The following CALN1 variants were observed in gnomAD, a reference collection of about 807,000 sequenced individuals.
The protein encoded by CALN1 is calneuron 1.
In CALN1, 17 loss-of-function variants were observed where a neutral mutation model predicts 30.6. The observed-to-expected ratio is 0.56, with a 90% CI of 0.38 to 0.83. The LOEUF (loss-of-function observed/expected upper bound fraction) is 0.83. Ranked by LOEUF, CALN1 falls within the 40% of genes least tolerant of loss-of-function variation. The pLI, the probability that CALN1 is intolerant of heterozygous loss-of-function variation, is 0.00. For missense variants in CALN1, 291 were observed against 354.9 expected, an observed-to-expected ratio of 0.82 and a Z score of 1.45; for synonymous variants, 156 against 131.4, an observed-to-expected ratio of 1.19 and a Z score of -1.28.
At chr7:72,262,164 C>T (rs1322751195) in intron 3 of CALN1, among the ~76,000 whole-genome samples, 3 of 152,154 alleles carry the variant, frequency 2.0e-5, no homozygotes, top group Admixed American at 6.5e-5. Flanking sequence ...CCATCACCAC[C>T]GCAGCTCCTA....
chr7:72,224,180 T>C (rs1447195142), intron 3 of CALN1, among the ~76,000 whole-genome samples: 2 of 152,122 alleles, frequency 1.3e-5, no homozygotes, highest in Non-Finnish European at 2.9e-5. Context: ...GAATCTAAAA[T>C]AAAAGTTGAA....
chr7:72,252,804 A>G (rs1795653795), intron 3 of CALN1, among the ~76,000 whole-genome samples: 1 of 152,060 alleles, frequency 6.6e-6, no homozygotes, highest in African/African-American at 2.4e-5. Flanking sequence ...TTATAATATA[A>G]TATACTATGC....
At chr7:72,116,532 G>C (rs1426886101) in intron 3 of CALN1, among the ~76,000 whole-genome samples, 1 of 152,186 alleles carries the variant, frequency 6.6e-6, no homozygotes, top group Admixed American at 6.5e-5. Context: ...GGCACAACAG[G>C]GTACGGAAGC....
chr7:72,170,819 T>C (rs958235430), intron 3 of CALN1, among the ~76,000 whole-genome samples: 1 of 152,202 alleles, frequency 6.6e-6, no homozygotes, highest in African/African-American at 2.4e-5. Context: ...TAGAAACTCA[T>C]ACTTGTGGAT....
chr7:72,494,311 G>GTAGAATA, the CALN1 span, among the ~76,000 whole-genome samples: 1 of 152,208 alleles, frequency 6.6e-6, no homozygotes, highest in Non-Finnish European at 1.5e-5. Flanking sequence ...AAAAAAGTCA[G>GTAGAATA]TAGAATACAC....
rs1031726696 is a variant in CALN1, at chr7:71,824,572, G to C, written c.502-14080C>G. Among the ~76,000 whole-genome samples, 7 of 152,094 alleles carry C rather than the reference G, an allele frequency of 4.6e-5. No individual in the cohort carries two copies. In the South Asian group the frequency reaches 1.0e-3, roughly 23 times the overall value. Reference sequence around the variant, plus strand: ...CATTTTTCGTCCCTGACTCATACTGGGACCTGCACAGCTGGGGGCCAACAT... The same window carrying C: ...CATTTTTCGTCCCTGACTCATACTGCGACCTGCACAGCTGGGGGCCAACAT... On this transcript the variant is annotated intron_variant, in intron 5 of 6. Transcript: ENST00000395275.
At chr7:71,916,352 A>G (rs997321458) in intron 5 of CALN1, among the ~76,000 whole-genome samples, 1 of 152,068 alleles carries the variant, frequency 6.6e-6, no homozygotes, top group Middle Eastern at 3.4e-3. Flanking sequence ...CAAGCAGAGG[A>G]CAGGTTTGAT....
chr7:72,006,589 A>G (rs933238922), intron 5 of CALN1, among the ~76,000 whole-genome samples: 2 of 152,152 alleles, frequency 1.3e-5, no homozygotes, highest in African/African-American at 2.4e-5. Context: ...TTTTAAAGAA[A>G]AAGGATGAAT....
the CALN1 span, among the ~76,000 whole-genome samples, chr7:72,476,787 G>A: frequency 6.6e-6 from 1 of 152,236 alleles, no homozygotes; most frequent in African/African-American, 2.4e-5. Context: ...GGTGCTGGAG[G>A]GGGCAGAGGT....
chr7:71,969,179 T>TACAG (rs1478948392), intron 5 of CALN1, among the ~76,000 whole-genome samples: 1 of 152,182 alleles, frequency 6.6e-6, no homozygotes, highest in Non-Finnish European at 1.5e-5. Flanking sequence ...GAAATGGTTA[T>TACAG]ACAGCACTTC....
chr7:72,020,230 T>C (rs1800626364), intron 5 of CALN1, among the ~76,000 whole-genome samples: 1 of 152,134 alleles, frequency 6.6e-6, no homozygotes, highest in Admixed American at 6.6e-5. Flanking sequence ...AGCTAATTTT[T>C]CAATCTGCTT....
intron 2 of CALN1, among the ~76,000 whole-genome samples, chr7:72,306,074 C>T (rs1408744008): frequency 2.6e-5 from 4 of 152,184 alleles, no homozygotes; most frequent in Admixed American, 2.6e-4. Context: ...ACCATAAACA[C>T]TCATCAGATG....
intron 4 of CALN1, among the ~76,000 whole-genome samples, chr7:72,044,595 A>G (rs1802345015): frequency 7.4e-6 from 1 of 135,948 alleles, no homozygotes; most frequent in Non-Finnish European, 1.5e-5. Flanking sequence ...ATTTCCGCTT[A>G]AAACTTTTTT....
intron 4 of CALN1, among the ~76,000 whole-genome samples, chr7:72,036,259 C>T (rs1015034739): frequency 5.3e-5 from 8 of 152,196 alleles, no homozygotes; most frequent in Admixed American, 2.6e-4. Context: ...CTCTCTCTTA[C>T]GGCTACAAAG....
chr7:71,795,786 T>G (rs1786864944), intron 6 of CALN1, among the ~76,000 whole-genome samples: 1 of 151,620 alleles, frequency 6.6e-6, no homozygotes, highest in Non-Finnish European at 1.5e-5. Context: ...TTCCTCCAGC[T>G]GTATGTAGCA....
intron 2 of CALN1, among the ~76,000 whole-genome samples, chr7:72,300,406 GAAC>G (rs1008791445): frequency 2.0e-5 from 3 of 147,242 alleles, no homozygotes; most frequent in African/African-American, 5.0e-5. Context: ...TATTTTTAAT[GAAC>G]AACAACAACA....
chr7:72,332,609 G>A (rs1381527521), intron 2 of CALN1, among the ~76,000 whole-genome samples: 13 of 152,112 alleles, frequency 8.5e-5, no homozygotes, highest in Admixed American at 8.5e-4. Context: ...GAGACCACAA[G>A]TCAATTCCTG....
intron 5 of CALN1, among the ~76,000 whole-genome samples, chr7:71,850,174 TATCAA>T (rs1790553524): frequency 6.6e-6 from 1 of 152,194 alleles, no homozygotes; most frequent in African/African-American, 2.4e-5. Context: ...CTATGCCATA[TATCAA>T]GAGATCTGAG....
intron 4 of CALN1, among the ~76,000 whole-genome samples, chr7:72,096,979 A>G (rs1806279563): frequency 6.6e-6 from 1 of 152,224 alleles, no homozygotes; most frequent in Admixed American, 6.5e-5. Context: ...CTATGCAGCC[A>G]TAAAAAAGGA....
Sources: allele counts gnomAD v4.1 joint callset (sites outside exome capture counted in the v4.1 genomes callset), GRCh38; gene constraint gnomAD v4.1.1; transcripts MANE v1.5; gene names NCBI Gene and HGNC (gene_info 2026-07-23, HGNC 2026-07-21).